The following DTNA variants were observed in gnomAD, a reference collection of about 807,000 sequenced individuals.
DTNA encodes dystrophin-related protein 3.
Under a neutral mutation model 100.7 loss-of-function variants are expected in DTNA, and 43 were observed. The ratio of observed to expected loss-of-function variants is 0.43; its 90% confidence interval spans 0.33 to 0.55. The LOEUF (loss-of-function observed/expected upper bound fraction) is 0.55, where lower values mean the gene tolerates loss of function less well. Among genes scored for constraint, DTNA ranks in the 20% least tolerant of loss-of-function variants. The pLI is 0.04. For synonymous variants in DTNA, 349 were observed against 347.9 expected (o/e 1.00, Z -0.04); for missense variants, 798 against 953.9 (o/e 0.84, Z 2.15).
At chr18:34,784,531 CT>C (rs2094444828) in intron 3 of DTNA, among the ~76,000 whole-genome samples, 1 of 152,212 alleles carries the variant, frequency 6.6e-6, no homozygotes, top group African/African-American at 2.4e-5. Flanking sequence ...CTTACCTCCT[CT>C]TCCAAATCTT....
intron 9 of DTNA, chr18:34,825,291 A>T (rs773027342): frequency 1.9e-6 from 3 of 1,613,308 alleles, no homozygotes; most frequent in Admixed American, 1.7e-5. Flanking sequence ...TAGTGCAGTC[A>T]TTTCCAGTCT....
chr18:34,764,346 A>C (rs528831144), intron 2 of DTNA, among the ~76,000 whole-genome samples: 1 of 152,332 alleles, frequency 6.6e-6, no homozygotes, highest in Non-Finnish European at 1.5e-5. Context: ...GACAGAGTTA[A>C]ATTTTACTTC....
At chr18:34,604,627 C>T (rs549057830) in intron 1 of DTNA, among the ~76,000 whole-genome samples, 53 of 152,272 alleles carry the variant, frequency 3.5e-4, no homozygotes, top group Non-Finnish European at 6.5e-4. Context: ...GCACCTAGAA[C>T]ATTTGGAATG....
intron 1 of DTNA, among the ~76,000 whole-genome samples, chr18:34,663,860 CA>C (rs1418198644): frequency 6.6e-6 from 1 of 152,002 alleles, no homozygotes; most frequent in Non-Finnish European, 1.5e-5. Context: ...TTTTTGTTAT[CA>C]AAAATAATAC....
At chr18:34,510,770 T>C (rs1022596538) in intron 1 of DTNA, among the ~76,000 whole-genome samples, 4 of 151,940 alleles carry the variant, frequency 2.6e-5, no homozygotes, top group Non-Finnish European at 5.9e-5. Flanking sequence ...TTTATGAGTT[T>C]AGAATTTTAA....
At chr18:34,864,436 GT>G (rs1190351722) in intron 17 of DTNA, among the ~76,000 whole-genome samples, 1 of 151,178 alleles carries the variant, frequency 6.6e-6, no homozygotes, top group Non-Finnish European at 1.5e-5. Flanking sequence ...TGTATTTTTA[GT>G]AGAGACGGGC....
At chr18:34,813,443 C>CAAA (rs60685560) in intron 6 of DTNA, among the ~76,000 whole-genome samples, 1 of 115,752 alleles carries the variant, frequency 8.6e-6, no homozygotes, top group African/African-American at 3.1e-5. Flanking sequence ...GGCCCTGTCT[C>CAAA]AAAAAAAAAA....
chr18:34,571,163 C>T (rs1357128995), intron 1 of DTNA, among the ~76,000 whole-genome samples: 2 of 152,176 alleles, frequency 1.3e-5, no homozygotes, highest in African/African-American at 4.8e-5. Flanking sequence ...CTTTCTGATA[C>T]ATCAGCAGTT....
At chr18:34,560,246 C>G (rs900348611) in intron 1 of DTNA, among the ~76,000 whole-genome samples, 2 of 152,202 alleles carry the variant, frequency 1.3e-5, no homozygotes, top group South Asian at 2.1e-4. Context: ...TCCTTGAGAG[C>G]AGGAACTGTA....
At chr18:34,847,954 A>C (rs1387164364) in intron 13 of DTNA, among the ~76,000 whole-genome samples, 4 of 152,212 alleles carry the variant, frequency 2.6e-5, no homozygotes, top group African/African-American at 9.6e-5. Flanking sequence ...AATTTTGGAC[A>C]TGTGTTACTT....
chr18:34,512,203 G>A (rs904759981), intron 1 of DTNA, among the ~76,000 whole-genome samples: 1 of 151,856 alleles, frequency 6.6e-6, no homozygotes, highest in Non-Finnish European at 1.5e-5. Flanking sequence ...GGACAGCAAT[G>A]TTAGATATCC....
intron 14 of DTNA, among the ~76,000 whole-genome samples, chr18:34,849,126 C>T (rs2096434820): frequency 6.6e-6 from 1 of 152,138 alleles, no homozygotes; most frequent in African/African-American, 2.4e-5. Flanking sequence ...GGATCCAGGA[C>T]AGGCTAAAAG....
At chr18:34,859,905 A>G (rs916740260) in intron 16 of DTNA, among the ~76,000 whole-genome samples, 2 of 152,236 alleles carry the variant, frequency 1.3e-5, no homozygotes, top group South Asian at 4.1e-4. Context: ...CATGCCTTGA[A>G]TAAGGCTGGT....
At chr18:34,589,453 C>CA (rs1009116655) in intron 1 of DTNA, among the ~76,000 whole-genome samples, 136 of 151,848 alleles carry the variant, frequency 9.0e-4, no homozygotes, top group African/African-American at 3.3e-3. Context: ...CTAAAAAATA[C>CA]AAAAAATTAG....
intron 19 of DTNA, among the ~76,000 whole-genome samples, chr18:34,878,929 T>C (rs773520815): frequency 5.3e-5 from 8 of 152,230 alleles, no homozygotes; most frequent in Non-Finnish European, 1.2e-4. Flanking sequence ...TTCGCTTTCT[T>C]AAAGCCTCTC....
intron 1 of DTNA, among the ~76,000 whole-genome samples, chr18:34,589,696 CT>C (rs1567962518): frequency 1.3e-5 from 2 of 152,178 alleles, no homozygotes; most frequent in African/African-American, 2.4e-5. Flanking sequence ...TAACTGTAGT[CT>C]TTGTTCTATA....
intron 1 of DTNA, among the ~76,000 whole-genome samples, chr18:34,505,279 C>T (rs779224052): frequency 2.0e-5 from 3 of 152,182 alleles, no homozygotes; most frequent in African/African-American, 4.8e-5. Context: ...TACTTTTCTG[C>T]GGCCAGATTT....
chr18:34,712,575 A>G lies in DTNA; in HGVS notation c.-2+2130A>G, dbSNP rs80143065. Among the ~76,000 whole-genome samples the G allele has an allele frequency of 2.6e-3, 393 of 152,316 alleles. 2 individuals are homozygous for G. Among genetic ancestry groups the G allele is most frequent in the African/African-American group, 8.8e-3 (365 of 41,602 alleles). ...TTCTGAAATAATTTTAACAGAGATCACAAGATGGAAGATTCTTTTATAGTT... is the reference window on the plus strand; with the variant it reads ...TTCTGAAATAATTTTAACAGAGATCGCAAGATGGAAGATTCTTTTATAGTT... On this transcript the variant is annotated intron_variant, in intron 1 of 22. Coordinates refer to ENST00000444659, the MANE Select transcript of DTNA (RefSeq NM_001386795.1).
At chr18:34,811,936 A>G (rs1425873189) in intron 5 of DTNA, 23 bp from the exon 6 acceptor site, 3 of 1,613,624 alleles carry the variant, frequency 1.9e-6, no homozygotes, top group Non-Finnish European at 2.5e-6. Flanking sequence ...GATGAATAAT[A>G]TCTTTCCTTT....
Sources: allele counts gnomAD v4.1 joint callset (sites outside exome capture counted in the v4.1 genomes callset), GRCh38; gene constraint gnomAD v4.1.1; transcripts MANE v1.5; gene names NCBI Gene and HGNC (gene_info 2026-07-23, HGNC 2026-07-21).